CNTNAP5: variants seen among roughly 807,000 people sequenced by gnomAD.
CNTNAP5 encodes contactin-associated protein-like 5.
Under a neutral mutation model 150.2 loss-of-function variants are expected in CNTNAP5, and 72 were observed. The ratio of observed to expected loss-of-function variants is 0.48; its 90% CI spans 0.40 to 0.58. The LOEUF (loss-of-function observed/expected upper bound fraction) is 0.58. Ranked by LOEUF, CNTNAP5 falls within the 20% of genes least tolerant of loss-of-function variation. The pLI, the probability that CNTNAP5 is intolerant of heterozygous loss-of-function variation, is 0.00. For synonymous variants in CNTNAP5, 672 were observed against 619.8 expected (o/e 1.08, Z -1.25); for missense variants, 1,636 against 1,626.2 (o/e 1.01, Z -0.10).
intron 19 of CNTNAP5, among the ~76,000 whole-genome samples, chr2:124,830,015 C>A (rs1682680472): frequency 6.6e-6 from 1 of 151,188 alleles, no homozygotes. Context: ...ATAGCTGATA[C>A]CATATTAGAT....
At chr2:124,426,245 G>A (rs193083731) in intron 4 of CNTNAP5, among the ~76,000 whole-genome samples, 2 of 152,154 alleles carry the variant, frequency 1.3e-5, no homozygotes, top group African/African-American at 4.8e-5. Flanking sequence ...AATTTTGAAA[G>A]AAAAGCTATG....
chr2:124,869,509 G>A lies in CNTNAP5; in HGVS notation c.3349-166G>A, dbSNP rs368016470. On this transcript the variant is annotated intron_variant, in intron 20 of 23. Transcript: ENST00000682447. The stretch of plus-strand genomic sequence containing the variant: ...AGAAAGAAAGGGGTATTTTATGTGC[G>A]TTGTGGGCAAATTAGCGAGACCTGT... Among the ~76,000 whole-genome samples the A allele has an allele frequency of 1.9e-4, 29 of 152,238 alleles. No homozygotes were observed. In the East Asian group the frequency reaches 1.9e-3, roughly 10 times the overall value.
intron 11 of CNTNAP5, among the ~76,000 whole-genome samples, chr2:124,573,850 G>T (rs1377636595): frequency 6.6e-6 from 1 of 152,014 alleles, no homozygotes; most frequent in Non-Finnish European, 1.5e-5. Flanking sequence ...GGTTGTTTTT[G>T]GTCTCTAAAA....
chr2:124,485,612 CAAAAAAAAAA>C (rs576700912), intron 7 of CNTNAP5, among the ~76,000 whole-genome samples: 2 of 52,402 alleles, frequency 3.8e-5, no homozygotes, highest in South Asian at 1.2e-3. Flanking sequence ...GACTCTGTCT[CAAAAAAAAAA>C]AAAAAAAAAA....
intron 3 of CNTNAP5, among the ~76,000 whole-genome samples, chr2:124,247,637 A>G (rs1384753436): frequency 6.6e-6 from 1 of 152,190 alleles, no homozygotes; most frequent in Non-Finnish European, 1.5e-5. Context: ...CATTCACAGC[A>G]GGAGAAATGC....
intron 13 of CNTNAP5, among the ~76,000 whole-genome samples, chr2:124,671,832 G>T (rs1678829727): frequency 6.6e-6 from 1 of 152,178 alleles, no homozygotes; most frequent in Middle Eastern, 3.4e-3. Flanking sequence ...TAGAGACAGA[G>T]TTTCATTATG....
chr2:124,875,930 T>C (rs1677851761), intron 21 of CNTNAP5, among the ~76,000 whole-genome samples: 1 of 152,010 alleles, frequency 6.6e-6, no homozygotes, highest in South Asian at 2.1e-4. Flanking sequence ...TTGGTGAAAA[T>C]AGAAGTTTCA....
chr2:124,852,645 G>C (rs778349357), intron 19 of CNTNAP5, among the ~76,000 whole-genome samples: 1 of 152,208 alleles, frequency 6.6e-6, no homozygotes, highest in African/African-American at 2.4e-5. Flanking sequence ...TGACTGCTGT[G>C]TAGGGAATGG....
At chr2:124,108,152 G>A (rs1683208957) in intron 1 of CNTNAP5, among the ~76,000 whole-genome samples, 1 of 152,176 alleles carries the variant, frequency 6.6e-6, no homozygotes. Context: ...CATTGCCAGG[G>A]TGAAATTGCA....
chr2:124,716,886 C>T (rs116232139), intron 13 of CNTNAP5, among the ~76,000 whole-genome samples: 6,574 of 152,128 alleles, frequency 0.043, 501 homozygotes, highest in African/African-American at 0.15. Flanking sequence ...ATCATCCTGC[C>T]ATAACATCGG....
At chr2:124,550,332 G>C (rs141098372) in intron 10 of CNTNAP5, among the ~76,000 whole-genome samples, 4 of 152,128 alleles carry the variant, frequency 2.6e-5, no homozygotes, top group Non-Finnish European at 4.4e-5. Context: ...AGGTCTGGGA[G>C]CCAGCAGTTT....
intron 8 of CNTNAP5, among the ~76,000 whole-genome samples, chr2:124,520,844 A>G (rs990164732): frequency 2.0e-5 from 3 of 152,232 alleles, no homozygotes; most frequent in Non-Finnish European, 4.4e-5. Context: ...AAGCAATCTC[A>G]TAAGGTGATT....
intron 3 of CNTNAP5, among the ~76,000 whole-genome samples, chr2:124,242,886 G>A (rs897418653): frequency 7.2e-5 from 11 of 152,142 alleles, no homozygotes; most frequent in Non-Finnish European, 1.0e-4. Flanking sequence ...TTAAAGCCAC[G>A]AAGCAGCTTC....
At chr2:124,066,561 AAG>A (rs1039823765) in intron 1 of CNTNAP5, among the ~76,000 whole-genome samples, 8 of 152,142 alleles carry the variant, frequency 5.3e-5, no homozygotes, top group African/African-American at 1.9e-4. Flanking sequence ...CTTCGATGTG[AAG>A]ACCCCACCTG....
At chr2:124,668,839 C>G (rs1289240078) in intron 13 of CNTNAP5, among the ~76,000 whole-genome samples, 1 of 152,140 alleles carries the variant, frequency 6.6e-6, no homozygotes, top group Non-Finnish European at 1.5e-5. Context: ...CTGGAAGATG[C>G]TTCTGGAATG....
intron 1 of CNTNAP5, among the ~76,000 whole-genome samples, chr2:124,126,999 C>T (rs1424041160): frequency 2.0e-5 from 3 of 152,146 alleles, no homozygotes; most frequent in Non-Finnish European, 4.4e-5. Flanking sequence ...AAAACTGGCA[C>T]AAGACAGGGA....
intron 13 of CNTNAP5, among the ~76,000 whole-genome samples, chr2:124,655,999 A>AAAG (rs1317556643): frequency 8.8e-5 from 8 of 90,624 alleles, no homozygotes; most frequent in Non-Finnish European, 1.4e-4. Flanking sequence ...AAGAAAGAAA[A>AAAG]AAGGAAGGAA....
chr2:124,642,186 T>C (rs1407995268), intron 12 of CNTNAP5, among the ~76,000 whole-genome samples: 2 of 152,140 alleles, frequency 1.3e-5, no homozygotes, highest in Non-Finnish European at 2.9e-5. Flanking sequence ...AGGGAAGATT[T>C]TACCACACTG....
intron 6 of CNTNAP5, among the ~76,000 whole-genome samples, chr2:124,469,339 A>G (rs1693450458): frequency 6.6e-6 from 1 of 152,254 alleles, no homozygotes; most frequent in African/African-American, 2.4e-5. Context: ...TTTTTTTACT[A>G]ACATTTTCCT....
Sources: gnomAD v4.1 joint callset for allele counts (sites outside exome capture counted in the v4.1 genomes callset) on GRCh38, gnomAD v4.1.1 for gene constraint, MANE v1.5 for transcripts, NCBI Gene and HGNC (gene_info 2026-07-23, HGNC 2026-07-21) for gene names.